CDIN1: variants seen among roughly 807,000 people sequenced by gnomAD.
The protein encoded by CDIN1 is CDAN1-interacting nuclease 1.
Under a neutral mutation model 45.3 loss-of-function variants are expected in CDIN1, and 33 were observed. The observed-to-expected ratio is 0.73, with a 90% CI of 0.55 to 0.97. CDIN1 has a LOEUF of 0.97. Ranked by LOEUF, CDIN1 falls within the 50% of genes least tolerant of loss-of-function variation. The pLI is 0.00. For missense variants in CDIN1, 303 were observed against 339.4 expected (o/e 0.89, Z 0.84); for synonymous variants, 118 against 124.4 (o/e 0.95, Z 0.34).
chr15:36,651,679 G>T (rs1353173975), intron 3 of CDIN1, among the ~76,000 whole-genome samples: 1 of 152,094 alleles, frequency 6.6e-6, no homozygotes, highest in Non-Finnish European at 1.5e-5. Context: ...AGGGATCAGG[G>T]TTCTATTTCA....
chr15:36,606,941 C>A (rs925937189), intron 1 of CDIN1, among the ~76,000 whole-genome samples: 5 of 152,122 alleles, frequency 3.3e-5, no homozygotes, highest in Non-Finnish European at 7.3e-5. Flanking sequence ...GGTTGGAAGT[C>A]ACAGAGAGAC....
chr15:36,804,109 CA>C (rs575225283), intron 10 of CDIN1, among the ~76,000 whole-genome samples: 78 of 152,114 alleles, frequency 5.1e-4, no homozygotes, highest in African/African-American at 1.9e-3. Flanking sequence ...ACTTGTAGAA[CA>C]GGGATAATAA....
chr15:36,648,024 A>G (rs2040411172), intron 3 of CDIN1, among the ~76,000 whole-genome samples: 1 of 152,066 alleles, frequency 6.6e-6, no homozygotes, highest in Admixed American at 6.5e-5. Flanking sequence ...TATTTTTAGT[A>G]GAGACGGGGT....
At position 36,601,986 on chromosome 15, in the gene CDIN1, G is replaced by A. The variant is rs763801994; in HGVS notation, c.101+22025G>A. On this transcript the variant is annotated intron_variant, in intron 1 of 10. Coordinates refer to ENST00000566621, the MANE Select transcript of CDIN1 (RefSeq NM_001321759.2). The stretch of plus-strand genomic sequence containing the variant: ...CTCTCAATTTTTTTTTGTATTCATA[G>A]TGATAAAGCTACTATTATTCCTAAT... Among the ~76,000 whole-genome samples the A allele has an allele frequency of 1.1e-4, 16 of 152,192 alleles. 1 individual carries two copies. Among genetic ancestry groups the A allele is most frequent in the Non-Finnish European group, 1.6e-4 (11 of 68,040 alleles).
At chr15:36,587,355 C>G (rs2037352477) in intron 1 of CDIN1, among the ~76,000 whole-genome samples, 1 of 151,158 alleles carries the variant, frequency 6.6e-6, no homozygotes, top group Non-Finnish European at 1.5e-5. Context: ...AGTGGTCATC[C>G]TGTGCTTAAA....
chr15:36,768,312 A>G (rs529947033), intron 10 of CDIN1, among the ~76,000 whole-genome samples: 6 of 152,332 alleles, frequency 3.9e-5, no homozygotes, highest in African/African-American at 1.2e-4. Flanking sequence ...TACTGCCTCA[A>G]TCAGACCTCT....
chr15:36,600,137 C>G (rs1037819474), intron 1 of CDIN1, among the ~76,000 whole-genome samples: 2 of 152,136 alleles, frequency 1.3e-5, no homozygotes, highest in Non-Finnish European at 2.9e-5. Context: ...GCCTCTTAGG[C>G]CCTTTTCTGT....
chr15:36,598,981 C>T (rs937130395), intron 1 of CDIN1, among the ~76,000 whole-genome samples: 3 of 152,146 alleles, frequency 2.0e-5, no homozygotes, highest in Non-Finnish European at 4.4e-5. Context: ...TCCAGCTGTA[C>T]GCTGTATTGC....
At chr15:36,716,423 G>A (rs1012276154) in intron 10 of CDIN1, among the ~76,000 whole-genome samples, 1 of 152,078 alleles carries the variant, frequency 6.6e-6, no homozygotes. Flanking sequence ...ACCAATATCG[G>A]GAGTATAGTT....
intron 1 of CDIN1, among the ~76,000 whole-genome samples, chr15:36,620,201 A>AT (rs2039109797): frequency 1.3e-5 from 2 of 152,074 alleles, no homozygotes; most frequent in South Asian, 4.2e-4. Context: ...AATACAAAAA[A>AT]TTAGCTGGGA....
intron 10 of CDIN1, among the ~76,000 whole-genome samples, chr15:36,740,961 AG>A (rs1173703911): frequency 6.6e-6 from 1 of 151,976 alleles, no homozygotes; most frequent in East Asian, 1.9e-4. Context: ...TTTTGAGACA[AG>A]GTCTCACTCT....
At chr15:36,696,946 TAAAAAAAAAAAAAAAA>T (rs1163749494) in intron 7 of CDIN1, among the ~76,000 whole-genome samples, 1 of 92,256 alleles carries the variant, frequency 1.1e-5, no homozygotes, top group African/African-American at 4.3e-5. Context: ...ATTCCATTTC[TAAAAAAAAAAAAAAAA>T]AAAAAAAAAT....
At chr15:36,756,966 C>T (rs1017452779) in intron 10 of CDIN1, among the ~76,000 whole-genome samples, 8 of 152,098 alleles carry the variant, frequency 5.3e-5, no homozygotes, top group East Asian at 1.9e-4. Flanking sequence ...TCCCCCATGG[C>T]GCTCTGACAG....
chr15:36,591,372 C>A (rs2037564903), intron 1 of CDIN1, among the ~76,000 whole-genome samples: 1 of 152,108 alleles, frequency 6.6e-6, no homozygotes, highest in Admixed American at 6.5e-5. Context: ...ACACTTCGAG[C>A]CCCATTTAGC....
At chr15:36,741,619 T>C (rs564124114) in intron 10 of CDIN1, among the ~76,000 whole-genome samples, 62 of 152,242 alleles carry the variant, frequency 4.1e-4, no homozygotes, top group African/African-American at 1.5e-3. Flanking sequence ...GCTGGAAGGC[T>C]GACATCAAAG....
intron 2 of CDIN1, among the ~76,000 whole-genome samples, chr15:36,644,764 A>G (rs2040243924): frequency 1.3e-5 from 2 of 152,062 alleles, no homozygotes; most frequent in African/African-American, 4.8e-5. Flanking sequence ...GTCTCTATGG[A>G]ATTACTTTTT....
At chr15:36,722,303 ATCTCTCTCTCTCTC>A (rs5811928) in intron 10 of CDIN1, among the ~76,000 whole-genome samples, 9 of 140,754 alleles carry the variant, frequency 6.4e-5, no homozygotes, top group South Asian at 4.5e-4. Flanking sequence ...TTCTTTTGAG[ATCTCTCTCTCTCTC>A]TCTCTCTCTC....
At chr15:36,755,785 G>A (rs1274773579) in intron 10 of CDIN1, among the ~76,000 whole-genome samples, 1 of 152,092 alleles carries the variant, frequency 6.6e-6, no homozygotes, top group Admixed American at 6.6e-5. Flanking sequence ...ACTTAAGATT[G>A]CGGTCAGCAA....
chr15:36,623,970 A>G (rs2039312851), intron 1 of CDIN1, among the ~76,000 whole-genome samples: 1 of 152,144 alleles, frequency 6.6e-6, no homozygotes, highest in Admixed American at 6.5e-5. Flanking sequence ...AAACACTACT[A>G]TTATTATAGT....
Sources: allele counts gnomAD v4.1 joint callset (sites outside exome capture counted in the v4.1 genomes callset), GRCh38; gene constraint gnomAD v4.1.1; transcripts MANE v1.5; gene names NCBI Gene and HGNC (gene_info 2026-07-23, HGNC 2026-07-21).